Variants in TPGS2 observed in about 807,000 individuals in gnomAD.
The protein encoded by TPGS2 is tubulin polyglutamylase complex subunit 2.
Under a neutral mutation model 31.1 loss-of-function variants are expected in TPGS2, and 26 were observed. The observed-to-expected ratio is 0.84, with a 90% confidence interval of 0.61 to 1.16. TPGS2 has a LOEUF of 1.16. Among genes scored for constraint, TPGS2 ranks in the 50% most tolerant of loss-of-function variants. TPGS2 has a pLI of 0.00. For synonymous variants in TPGS2, 130 were observed against 136.6 expected, an observed-to-expected ratio of 0.95 and a Z score of 0.34; for missense variants, 351 against 363.8, an observed-to-expected ratio of 0.96 and a Z score of 0.29.
chr18:36,802,676 G>A (rs771970562), intron 4 of TPGS2, among the ~76,000 whole-genome samples: 1 of 152,018 alleles, frequency 6.6e-6, no homozygotes, highest in Non-Finnish European at 1.5e-5. Flanking sequence ...TTGCTGGGCC[G>A]GAGTGCAGTG....
chr18:36,806,737 G>T (rs1485928459), intron 3 of TPGS2, among the ~76,000 whole-genome samples: 3 of 150,686 alleles, frequency 2.0e-5, no homozygotes, highest in African/African-American at 7.3e-5. Flanking sequence ...TGTAATCCCA[G>T]CTACTCAGGA....
intron 4 of TPGS2, among the ~76,000 whole-genome samples, chr18:36,802,923 G>A (rs997428950): frequency 4.6e-5 from 7 of 151,666 alleles, no homozygotes; most frequent in African/African-American, 1.5e-4. Flanking sequence ...ACCGCACCCG[G>A]CCCTCTTTTT....
Position 36,807,917 on chromosome 18 carries a change from C to T in TPGS2, c.183G>A (p.Met61Ile), listed in dbSNP as rs936968300. Residue 61 changes from methionine (M) to isoleucine (I), a missense_variant, in exon 3 of 7, where the codon ATG (methionine) becomes ATA (isoleucine). By Grantham distance (10) the Met-to-Ile change is conservative. Coordinates refer to ENST00000334295, the MANE Select transcript of TPGS2 (RefSeq NM_015476.4). ...GGTAAAAGTTCTTCACATCTTCAGG[C>T]ATCACACAGTTATTCTTCTAGAATC... ...SSWEQKNNCV[M>I]PEDVKNFYLM... 1.2e-6 allele frequency: 2 copies of T among 1,614,150 alleles called. No individual in the cohort carries two copies. The highest frequency in any genetic ancestry group is 1.3e-5 in the African/African-American group (1 of 75,050).
At chr18:36,827,719 C>G (rs2046232531) in intron 1 of TPGS2, among the ~76,000 whole-genome samples, 1 of 152,232 alleles carries the variant, frequency 6.6e-6, no homozygotes, top group Non-Finnish European at 1.5e-5. Context: ...CTTTCAAAAT[C>G]TAGCATCATC....
At chr18:36,793,397 G>T (rs1395692676), downstream of TPGS2, among the ~76,000 whole-genome samples, 3 of 152,158 alleles carry the variant, frequency 2.0e-5, no homozygotes, top group Non-Finnish European at 4.4e-5. Flanking sequence ...GTAAGTGGGG[G>T]ATGCTGAGAG....
In TPGS2 at chr18:36,796,535, TGAA is replaced by T; in HGVS notation, c.*267_*269del. The T allele has an allele frequency of 8.0e-7, 1 of 1,257,606 alleles. No individual in the cohort carries two copies. The highest frequency in any genetic ancestry group is 1.0e-6 in the Non-Finnish European group (1 of 1,003,572). 77.9% of individuals were successfully genotyped at this position (1,257,606 alleles called of 1,614,324 possible). ...TGCTAAGGGATTGAGGGTTGAGTGT[TGAA>T]GAAGAGGAAAGCACTCAGACTTATT... On this transcript the variant is annotated 3_prime_UTR_variant, in exon 7 of 7. Coordinates refer to ENST00000334295, the MANE Select transcript of TPGS2 (RefSeq NM_015476.4).
At chr18:36,801,178 T>C (rs900949765) in intron 4 of TPGS2, among the ~76,000 whole-genome samples, 26 of 152,246 alleles carry the variant, frequency 1.7e-4, no homozygotes, top group Non-Finnish European at 2.9e-5. Flanking sequence ...CCTTATATTC[T>C]GGTGCTTTCA....
rs917090736 is a variant in TPGS2, at chr18:36,794,213, C to T, written c.*2592G>A. The T allele has an allele frequency of 2.2e-6, 2 of 925,922 alleles. No homozygotes were observed. The highest frequency in any genetic ancestry group is 1.0e-4 in the South Asian group (2 of 20,094). The allele number at this position is 925,922 out of a possible 1,614,324, so 57.4% of individuals were successfully genotyped here. A position where few individuals can be genotyped will look rare whatever the true frequency, so the allele number is the denominator to read the frequency against. On this transcript the variant is annotated 3_prime_UTR_variant, in exon 7 of 7. Transcript: ENST00000334295. ...ACTATGGAAGAAAGGAAAAACATTA[C>T]ATTTTAGTACCTGTAAAGGTAATGT...
chr18:36,791,755 G>A (rs1408787118), downstream of TPGS2, among the ~76,000 whole-genome samples: 6 of 152,208 alleles, frequency 3.9e-5, no homozygotes, highest in East Asian at 7.7e-4. Context: ...TATCTGGCTC[G>A]GTGTTGTGGC....
At chr18:36,808,083 G>T in intron 2 of TPGS2, 149 bp from the exon 3 acceptor site, 1 of 737,394 alleles carries the variant, frequency 1.4e-6, no homozygotes. Flanking sequence ...TATTAGAGAG[G>T]CACTGGGGTC....
intron 2 of TPGS2, among the ~76,000 whole-genome samples, chr18:36,809,577 C>T (rs2045323174): frequency 6.6e-6 from 1 of 152,144 alleles, no homozygotes; most frequent in African/African-American, 2.4e-5. Flanking sequence ...CTCCTAGTGC[C>T]TCCTGTGTGG....
At chr18:36,827,425 C>T (rs1202380334) in intron 1 of TPGS2, among the ~76,000 whole-genome samples, 2 of 152,164 alleles carry the variant, frequency 1.3e-5, no homozygotes, top group African/African-American at 4.8e-5. Flanking sequence ...CCTGAAGAAG[C>T]GAGACATTCA....
intron 1 of TPGS2, chr18:36,823,681 C>T (rs1010826602): frequency 6.9e-5 from 14 of 204,372 alleles, no homozygotes; most frequent in Non-Finnish European, 1.0e-4. Context: ...AGGATGGTCT[C>T]GATCTCCTGA....
chr18:36,807,564 T>G, intron 3 of TPGS2: 1 of 416,756 alleles, frequency 2.4e-6, no homozygotes, highest in Non-Finnish European at 4.2e-6. Flanking sequence ...TGGCTAGGGT[T>G]TTTTATGTAG....
Position 36,798,103 on chromosome 18 carries a change from CT to C in TPGS2, c.657+345del. 3 of 1,072,702 alleles carry C rather than the reference CT, an allele frequency of 2.8e-6. 1 individual carries two copies. Among genetic ancestry groups the C allele is most frequent in the Middle Eastern group, 4.3e-4 (1 of 2,300 alleles). 66.4% of individuals were successfully genotyped at this position (1,072,702 alleles called of 1,614,324 possible). On this transcript the variant is annotated intron_variant, in intron 6 of 6. Transcript: ENST00000334295. ...TAGCAGCTGCCACTGGGGATGCACA[CT>C]TGGAGAACAGGGGAGTGAGAATCTG...
At chr18:36,798,182 A>T in intron 6 of TPGS2, 1 of 1,294,492 alleles carries the variant, frequency 7.7e-7, no homozygotes, top group South Asian at 1.9e-5. Flanking sequence ...AAGTCATGGG[A>T]CATAAACTAT....
downstream of TPGS2, among the ~76,000 whole-genome samples, chr18:36,792,667 G>A (rs2044355893): frequency 6.6e-6 from 1 of 152,150 alleles, no homozygotes; most frequent in Non-Finnish European, 1.5e-5. Flanking sequence ...GATTTAGTAT[G>A]TCTGGAGGGG....
In TPGS2 at chr18:36,800,125, A is replaced by C. The variant is rs564716801; in HGVS notation, c.496+73T>G. On this transcript the variant is annotated intron_variant, in intron 5 of 6. Transcript: ENST00000334295. ...AGGCCAAGGAGGTATGTGTCTCCTGAGCCATGGCTGACAAGCAAGGTCAGG... is the reference window on the plus strand; with the variant it reads ...AGGCCAAGGAGGTATGTGTCTCCTGCGCCATGGCTGACAAGCAAGGTCAGG... 5.5e-5 allele frequency: 75 copies of C among 1,362,014 alleles called. No homozygotes were observed. The African/African-American group carries it at 1.0e-3, about 19-fold the overall frequency. 84.4% of individuals were successfully genotyped at this position (1,362,014 alleles called of 1,614,324 possible). A position where few individuals can be genotyped will look rare whatever the true frequency, so the allele number is the denominator to read the frequency against.
chr18:36,802,021 T>C lies in TPGS2; in HGVS notation c.383-1710A>G, dbSNP rs1239735354. ...AATTTTTGTTCTGTGTAACTTTAGA[T>C]AGCTTCTATTATGTGTTGAAGTTCT... On this transcript the variant is annotated intron_variant, in intron 4 of 6. Transcript: ENST00000334295. 3.9e-5 allele frequency among the ~76,000 whole-genome samples: 6 copies of C among 152,274 alleles called. 1 individual carries two copies.
Sources: gnomAD v4.1 joint callset for allele counts (sites outside exome capture counted in the v4.1 genomes callset) on GRCh38, gnomAD v4.1.1 for gene constraint, MANE v1.5 for transcripts, NCBI Gene and HGNC (gene_info 2026-07-23, HGNC 2026-07-21) for gene names.